The following CNGA3 variants were observed in gnomAD, a reference collection of about 807,000 sequenced individuals.
CNGA3 encodes the protein cyclic nucleotide gated channel subunit alpha 3.
Under a neutral mutation model 46.6 loss-of-function variants are expected in CNGA3, and 42 were observed. That is an observed-to-expected ratio of 0.90 (90% CI 0.70 to 1.17). The LOEUF (loss-of-function observed/expected upper bound fraction) is 1.17, where lower values mean the gene tolerates loss of function less well. CNGA3 is among the 50% of genes most tolerant of loss of function. The pLI is 0.00. For missense variants in CNGA3, 893 were observed against 890.7 expected, an observed-to-expected ratio of 1.00 and a Z score of -0.03; for synonymous variants, 394 against 369.4, an observed-to-expected ratio of 1.07 and a Z score of -0.76.
In CNGA3 at chr2:98,378,087, C is replaced by A. The variant is rs764816629; in HGVS notation, c.215+287C>A. ...GGAAGAATTCAGAAAAAAAGCCAAC[C>A]GGAGAAGGTGGTAAGAGCAGCCAGC... On this transcript the variant is annotated intron_variant, in intron 3 of 7. Coordinates refer to ENST00000272602, the MANE Select transcript of CNGA3 (RefSeq NM_001298.3). 21 of 1,550,600 alleles carry A rather than the reference C, an allele frequency of 1.4e-5. 1 individual carries two copies. Among genetic ancestry groups the A allele is most frequent in the Middle Eastern group, 3.3e-4 (2 of 6,016 alleles).
rs878958347 is a variant in CNGA3, at chr2:98,378,000, G to A, written c.215+200G>A. The A allele has an allele frequency of 5.6e-5, 86 of 1,523,504 alleles. No individual in the cohort carries two copies. In the South Asian group the frequency reaches 1.0e-3, roughly 18 times the overall value. 94.4% of individuals were successfully genotyped at this position (1,523,504 alleles called of 1,614,324 possible). On this transcript the variant is annotated intron_variant, in intron 3 of 7. Transcript: ENST00000272602. Reference sequence around the variant, plus strand: ...TGTTCTGAGCTCAGAAAAGTCTAAGGAAAACTGCCTTTATCTGAAATTGCT... The same window carrying A: ...TGTTCTGAGCTCAGAAAAGTCTAAGAAAAACTGCCTTTATCTGAAATTGCT...
At chr2:98,389,892 CTTAG>C (rs1265876473) in intron 6 of CNGA3, 118 bp downstream of exon 6, 4 of 712,200 alleles carry the variant, frequency 5.6e-6, no homozygotes, top group South Asian at 1.7e-5. Flanking sequence ...ACGGCCACCA[CTTAG>C]TTATTGTGCC....
At chr2:98,383,363 T>C in intron 4 of CNGA3, 25 bp from the exon 5 acceptor site, 1 of 1,613,022 alleles carries the variant, frequency 6.2e-7, no homozygotes, top group Non-Finnish European at 8.5e-7. Context: ...TTCAGACCCT[T>C]GATGTTCTCT....
At chr2:98,389,148 G>C (rs557485476) in intron 5 of CNGA3, among the ~76,000 whole-genome samples, 1 of 152,332 alleles carries the variant, frequency 6.6e-6, no homozygotes, top group Non-Finnish European at 1.5e-5. Flanking sequence ...CACAGTGAGG[G>C]AGGTGGAGAG....
intron 1 of CNGA3, among the ~76,000 whole-genome samples, chr2:98,369,217 A>G (rs1433530859): frequency 6.6e-6 from 1 of 152,258 alleles, no homozygotes; most frequent in Non-Finnish European, 1.5e-5. Flanking sequence ...TAGAAGCAAG[A>G]TGGAATTGGT....
chr2:98,354,356 G>C (rs542200203), intron 1 of CNGA3, among the ~76,000 whole-genome samples: 1 of 152,134 alleles, frequency 6.6e-6, no homozygotes, highest in Admixed American at 6.5e-5. Flanking sequence ...GACTAAATAC[G>C]TGGAGAATGT....
At position 98,395,280 on chromosome 2, in the gene CNGA3, G is replaced by T. The variant is rs546604995; in HGVS notation, c.674-564G>T. 4.6e-5 allele frequency among the ~76,000 whole-genome samples: 7 copies of T among 151,724 alleles called. No homozygotes were observed. In the East Asian group the frequency reaches 1.4e-3, roughly 29 times the overall value. ...CACCTCCTGGGTTCAAGTGGTTCTC[G>T]TGCCTCAGCTTCCTGAGTAGCTGGG... On this transcript the variant is annotated intron_variant, in intron 7 of 7. Transcript: ENST00000272602.
At position 98,388,099 on chromosome 2, in the gene CNGA3, C is replaced by T. The variant is rs113285131; in HGVS notation, c.450-1559C>T. On this transcript the variant is annotated intron_variant, in intron 5 of 7. Coordinates refer to ENST00000272602, the MANE Select transcript of CNGA3 (RefSeq NM_001298.3). ...GGAATAATAATAACAAATCAATAACCCCATTTCATCCCAATGCGCTGGAAG... is the reference window on the plus strand; with the variant it reads ...GGAATAATAATAACAAATCAATAACTCCATTTCATCCCAATGCGCTGGAAG... 1.1e-3 allele frequency among the ~76,000 whole-genome samples: 163 copies of T among 152,244 alleles called. 1 individual carries two copies. Among genetic ancestry groups the T allele is most frequent in the African/African-American group, 3.8e-3 (156 of 41,542 alleles).
chr2:98,372,481 A>G (rs900696392), intron 2 of CNGA3, among the ~76,000 whole-genome samples: 2 of 152,100 alleles, frequency 1.3e-5, no homozygotes, highest in Non-Finnish European at 2.9e-5. Context: ...TGCATGGGTG[A>G]GAAAAGGTCC....
chr2:98,353,848 C>G (rs1304452145), intron 1 of CNGA3, among the ~76,000 whole-genome samples: 1 of 152,172 alleles, frequency 6.6e-6, no homozygotes, highest in African/African-American at 2.4e-5. Context: ...GGGGAGCATG[C>G]ACATCATGGC....
In CNGA3 at chr2:98,396,539, C is replaced by T. The variant is rs1692920449; in HGVS notation, c.1369C>T (p.Leu457Phe). The part of the protein sequence containing the change: ...NKKTVDEKEV[L>F]KSLPDKLKAE... ...GAAGACGGTGGATGAGAAGGAGGTG[C>T]TCAAGAGCCTCCCAGACAAGCTGAA... The change falls in exon 8 of 8, where the codon CTC becomes TTC. Residue 457 changes from leucine (L) to phenylalanine (F), a missense_variant. Transcript: ENST00000272602. 1 of 1,613,972 alleles carries T rather than the reference C, an allele frequency of 6.2e-7. No homozygotes were observed. Among genetic ancestry groups the T allele is most frequent in the East Asian group, 2.2e-5 (1 of 44,860 alleles).
chr2:98,391,040 T>A (rs1692774968), intron 6 of CNGA3, among the ~76,000 whole-genome samples: 1 of 152,040 alleles, frequency 6.6e-6, no homozygotes, highest in Admixed American at 6.5e-5. Flanking sequence ...TGAGCAAGCC[T>A]GCAAGACAGA....
intron 2 of CNGA3, among the ~76,000 whole-genome samples, chr2:98,373,904 A>G (rs1692347517): frequency 6.6e-6 from 1 of 152,170 alleles, no homozygotes; most frequent in Admixed American, 6.6e-5. Context: ...GCAGAGCCCA[A>G]AGCAATTACC....
At chr2:98,382,366 C>G (rs1692558896) in intron 4 of CNGA3, among the ~76,000 whole-genome samples, 1 of 152,342 alleles carries the variant, frequency 6.6e-6, no homozygotes, top group East Asian at 1.9e-4. Flanking sequence ...CCCTCCTTCA[C>G]AATCCCACGG....
At chr2:98,392,010 C>G in intron 7 of CNGA3, 40 bp downstream of exon 7, 1 of 1,555,202 alleles carries the variant, frequency 6.4e-7, no homozygotes, top group Non-Finnish European at 8.9e-7. Context: ...CCATGGCCCC[C>G]ACGGGAGTGT....
intron 2 of CNGA3, among the ~76,000 whole-genome samples, chr2:98,372,836 T>G (rs1692317687): frequency 6.6e-6 from 1 of 152,092 alleles, no homozygotes; most frequent in Non-Finnish European, 1.5e-5. Flanking sequence ...ATAGCCGCAT[T>G]TCCTGCCTGT....
Position 98,396,763 on chromosome 2 carries a change from T to C in CNGA3, c.1593T>C (p.Ala531=), listed in dbSNP as rs932566550. Residue 531 remains alanine, a synonymous_variant, in exon 8 of 8, where the codon GCT becomes GCC. Coordinates refer to ENST00000272602, the MANE Select transcript of CNGA3 (RefSeq NM_001298.3). ...IINEGKLAVV[A]DDGVTQFVVL... is the part of the protein sequence containing the mutation. ...ACGAGGGCAAGCTGGCCGTGGTGGCTGATGATGGGGTCACCCAGTTCGTGG... is the reference window on the plus strand; with the variant it reads ...ACGAGGGCAAGCTGGCCGTGGTGGCCGATGATGGGGTCACCCAGTTCGTGG... The C allele has an allele frequency of 6.2e-7, 1 of 1,614,140 alleles. No homozygotes were observed. The highest frequency in any genetic ancestry group is 8.5e-7 in the Non-Finnish European group (1 of 1,180,024).
chr2:98,381,011 C>T (rs754656159), intron 4 of CNGA3, among the ~76,000 whole-genome samples: 7 of 152,170 alleles, frequency 4.6e-5, no homozygotes, highest in Non-Finnish European at 1.0e-4. Flanking sequence ...CGCCCCCACC[C>T]TAACTGGGAG....
chr2:98,390,451 T>C (rs1274414350), intron 6 of CNGA3, among the ~76,000 whole-genome samples: 1 of 152,052 alleles, frequency 6.6e-6, no homozygotes, highest in Non-Finnish European at 1.5e-5. Flanking sequence ...TCCCGGCCTC[T>C]ACTACTCTTC....
Sources: gnomAD v4.1 joint callset for allele counts (sites outside exome capture counted in the v4.1 genomes callset) on GRCh38, gnomAD v4.1.1 for gene constraint, MANE v1.5 for transcripts, NCBI Gene and HGNC (gene_info 2026-07-23, HGNC 2026-07-21) for gene names.